The following BTG4 variants were observed in gnomAD, a reference collection of about 807,000 sequenced individuals.
The protein encoded by BTG4 is protein BTG4.
A neutral mutation model predicts 19.3 loss-of-function variants in BTG4; 10 were observed. That is an observed-to-expected ratio of 0.52 (90% CI 0.32 to 0.88). BTG4 has a LOEUF of 0.88. Ranked by LOEUF, BTG4 falls within the 40% of genes least tolerant of loss-of-function variation. The pLI, the probability that BTG4 is intolerant of heterozygous loss-of-function variation, is 0.04. For synonymous variants in BTG4, 91 were observed against 95.7 expected, an observed-to-expected ratio of 0.95 and a Z score of 0.29; for missense variants, 238 against 281.9, an observed-to-expected ratio of 0.84 and a Z score of 1.11.
chr11:111,399,787 A>C, the BTG4 span, among the ~76,000 whole-genome samples: 1 of 152,156 alleles, frequency 6.6e-6, no homozygotes, highest in South Asian at 2.1e-4. Context: ...GCCTGGCTAG[A>C]AGAGGTGTGG....
the BTG4 span, among the ~76,000 whole-genome samples, chr11:111,411,148 C>A: frequency 7.2e-5 from 11 of 152,086 alleles, no homozygotes; most frequent in Non-Finnish European, 1.5e-4. Context: ...TGTTTTAAAC[C>A]CTCCAATGGT....
Position 111,485,951 on chromosome 11 carries a change from C to T in BTG4, c.662+9212G>A, listed in dbSNP as rs1591485686. Among the ~76,000 whole-genome samples the T allele has an allele frequency of 2.6e-5, 4 of 152,198 alleles. No individual in the cohort carries two copies. The South Asian group carries it at 8.3e-4, about 32-fold the overall frequency. Reference sequence around the variant, plus strand: ...GAAAAGGGAGGCATTACAACTGATACCACAGGACAACTATGCATCAATAAA... The same window carrying T: ...GAAAAGGGAGGCATTACAACTGATATCACAGGACAACTATGCATCAATAAA... On this transcript the variant is annotated intron_variant, in intron 5 of 5. Coordinates refer to the BTG4 transcript ENST00000356018.
chr11:111,461,832 G>A, the BTG4 span: 10 of 152,822 alleles, frequency 6.5e-5, no homozygotes, highest in Admixed American at 6.5e-4. Flanking sequence ...ATCTACGGCT[G>A]GACCACGTGG....
the BTG4 span, among the ~76,000 whole-genome samples, chr11:111,434,574 T>A: frequency 0.022 from 3,364 of 149,720 alleles, 72 homozygotes; most frequent in African/African-American, 0.046. Context: ...TAATAAATTT[T>A]AAAAAAAATA....
chr11:111,464,994 A>C (rs1352262828), downstream of BTG4, among the ~76,000 whole-genome samples: 1 of 152,208 alleles, frequency 6.6e-6, no homozygotes, highest in Non-Finnish European at 1.5e-5. Flanking sequence ...GAAGGAGCTA[A>C]TGTAAAGGTG....
At chr11:111,509,231 T>C (rs1481411865) in intron 1 of BTG4, among the ~76,000 whole-genome samples, 2 of 152,210 alleles carry the variant, frequency 1.3e-5, no homozygotes, top group Non-Finnish European at 2.9e-5. Context: ...ATAGATTCAA[T>C]TATTTTTAGT....
rs547058234 is a variant in BTG4 at position 111,486,940 on chromosome 11, T to A, written c.662+8223A>T. Among the ~76,000 whole-genome samples the A allele has an allele frequency of 6.3e-3, 952 of 152,160 alleles. 10 individuals are homozygous for A. Among genetic ancestry groups the A allele is most frequent in the Non-Finnish European group, 8.4e-3 (570 of 67,994 alleles). On this transcript the variant is annotated intron_variant, in intron 5 of 5. Coordinates refer to the BTG4 transcript ENST00000356018. ...CATTACCTAGGTATTAAGCCCCCCA[T>A]GCATTAGCATTTTATCCTGATGCTC...
chr11:111,441,462 CCTT>C, the BTG4 span, among the ~76,000 whole-genome samples: 3 of 152,052 alleles, frequency 2.0e-5, no homozygotes, highest in Non-Finnish European at 2.9e-5. Flanking sequence ...AATACACCAC[CCTT>C]CTTCTTTCAA....
chr11:111,391,556 C>T, the BTG4 span, among the ~76,000 whole-genome samples: 2 of 152,180 alleles, frequency 1.3e-5, no homozygotes, highest in South Asian at 2.1e-4. Flanking sequence ...GCGGCACAGG[C>T]GGAGTTATGC....
chr11:111,513,433 T>C (rs751084377), upstream of BTG4: 1 of 534,494 alleles, frequency 1.9e-6, no homozygotes, highest in South Asian at 1.4e-5. Context: ...TGCAATTTTT[T>C]CTATGAGTCT....
chr11:111,449,093 A>T, the BTG4 span, among the ~76,000 whole-genome samples: 1 of 151,982 alleles, frequency 6.6e-6, no homozygotes, highest in Non-Finnish European at 1.5e-5. Flanking sequence ...TCCTTTGCTG[A>T]ATGTCTCAAG....
chr11:111,420,504 T>A, the BTG4 span, among the ~76,000 whole-genome samples: 2 of 152,208 alleles, frequency 1.3e-5, no homozygotes, highest in African/African-American at 4.8e-5. Context: ...TAGCAGAGAC[T>A]CTGGGGGAGA....
At chr11:111,410,237 T>G in the BTG4 span, among the ~76,000 whole-genome samples, 6,056 of 152,158 alleles carry the variant, frequency 0.04, 127 homozygotes, top group Middle Eastern at 0.14. Context: ...CCAAGTAGCT[T>G]GGACTACAGG....
At chr11:111,395,672 A>C in the BTG4 span, among the ~76,000 whole-genome samples, 1 of 152,236 alleles carries the variant, frequency 6.6e-6, no homozygotes, top group East Asian at 1.9e-4. Context: ...AAGCTGATAC[A>C]AAAGCCCCAA....
At chr11:111,485,276 C>T (rs138553995) in intron 5 of BTG4, among the ~76,000 whole-genome samples, 31 of 152,282 alleles carry the variant, frequency 2.0e-4, no homozygotes, top group African/African-American at 7.5e-4. Context: ...ATTTACAGAA[C>T]ATTTTATCCA....
At chr11:111,429,509 A>G in the BTG4 span, among the ~76,000 whole-genome samples, 1 of 152,236 alleles carries the variant, frequency 6.6e-6, no homozygotes, top group Admixed American at 6.5e-5. Context: ...GATGCTTTGT[A>G]TCTTCTCAGG....
At chr11:111,401,065 A>AC in the BTG4 span, 9 of 149,722 alleles carry the variant, frequency 6.0e-5, no homozygotes, top group African/African-American at 1.2e-4. Flanking sequence ...AAAAAAAAAA[A>AC]AAAAAAAAAA....
At chr11:111,454,306 C>A in the BTG4 span, 16 of 456,256 alleles carry the variant, frequency 3.5e-5, no homozygotes, top group Non-Finnish European at 6.2e-5. Flanking sequence ...TTGGAGACTG[C>A]CTCAGGCAGT....
chr11:111,513,541 T>A (rs1343986803), upstream of BTG4: 1 of 517,266 alleles, frequency 1.9e-6, no homozygotes, highest in Non-Finnish European at 4.0e-6. Context: ...ATGAGCTGCC[T>A]GTGCATCATC....
Sources: allele counts gnomAD v4.1 joint callset (sites outside exome capture counted in the v4.1 genomes callset), GRCh38; gene constraint gnomAD v4.1.1; transcripts MANE v1.5; gene names NCBI Gene and HGNC (gene_info 2026-07-23, HGNC 2026-07-21).